The following MCRIP1 variants were observed in gnomAD, a reference collection of about 807,000 sequenced individuals.
MCRIP1 encodes the protein mapk-regulated corepressor-interacting protein 1.
MCRIP1 carries 10 observed loss-of-function variants against 14.4 expected under a neutral mutation model. The observed-to-expected ratio is 0.70, with a 90% CI of 0.43 to 1.18. The LOEUF (loss-of-function observed/expected upper bound fraction) is 1.18. MCRIP1 is among the 50% of genes most tolerant of loss of function. The pLI is 0.00. For synonymous variants in MCRIP1, 53 were observed against 55.7 expected, an observed-to-expected ratio of 0.95 and a Z score of 0.21; for missense variants, 119 against 135.4, an observed-to-expected ratio of 0.88 and a Z score of 0.60.
At chr17:81,827,040 C>T (rs1282295572) in intron 1 of MCRIP1, among the ~76,000 whole-genome samples, 1 of 150,306 alleles carries the variant, frequency 6.7e-6, no homozygotes, top group Non-Finnish European at 1.5e-5. Flanking sequence ...AGTGCTTGAA[C>T]CTGGGAGGCG....
rs368126596 is a variant in MCRIP1, at chr17:81,823,344, C to A, written c.230-33G>T. 6.5e-7 allele frequency: 1 copy of A among 1,536,626 alleles called. No individual in the cohort carries two copies. Among genetic ancestry groups the A allele is most frequent in the Non-Finnish European group, 8.7e-7 (1 of 1,146,586 alleles). ...GGGACAACGCGGTAGGTGGTGGGCA[C>A]AGGCCCCTCCTGCCCATGAGGCCCG... On this transcript the variant is annotated intron_variant, in intron 4 of 4. Transcript: ENST00000455127. This position sits in a 1 kb window ranked among gnomAD's most constrained non-coding sequence, Gnocchi z 6.0.
At chr17:81,824,615 G>T (rs2038349959) in intron 1 of MCRIP1, 61 bp from the exon 2 acceptor site, 4 of 1,534,396 alleles carry the variant, frequency 2.6e-6, no homozygotes, top group Non-Finnish European at 3.5e-6. Flanking sequence ...ACAGAAGGAG[G>T]GGGAGGCGCA....
intron 1 of MCRIP1, chr17:81,826,522 CAA>C (rs4013609): frequency 0.043 from 20,817 of 489,188 alleles, no homozygotes; most frequent in South Asian, 0.074. Context: ...GACCCTGTGT[CAA>C]AAAAAAAAAA....
intron 1 of MCRIP1, among the ~76,000 whole-genome samples, chr17:81,831,130 C>T (rs146321764): frequency 0.01 from 1,551 of 149,626 alleles, 26 homozygotes; most frequent in African/African-American, 0.037. Context: ...CGAGATTGTG[C>T]CACTGCACTC....
chr17:81,826,793 G>C (rs1266272395), intron 1 of MCRIP1: 2 of 154,718 alleles, frequency 1.3e-5, no homozygotes, highest in African/African-American at 2.7e-5. Context: ...ACTCCAGCCT[G>C]GGCGACAGAG....
chr17:81,828,449 C>T (rs2038456051), intron 1 of MCRIP1, among the ~76,000 whole-genome samples: 1 of 152,080 alleles, frequency 6.6e-6, no homozygotes, highest in African/African-American at 2.4e-5. Context: ...AAGGAATTTT[C>T]CATTAAAAAT....
At position 81,824,421 on chromosome 17, in the gene MCRIP1, G is replaced by A. The variant is rs903765348; in HGVS notation, c.9-16C>T. 1.7e-5 allele frequency: 26 copies of A among 1,533,348 alleles called. No individual in the cohort carries two copies. The highest frequency in any genetic ancestry group is 4.8e-5 in the South Asian group (4 of 83,912). The allele number at this position is 1,533,348 out of a possible 1,614,324, so 95.0% of individuals were successfully genotyped here. A position where few individuals can be genotyped will look rare whatever the true frequency, so the allele number is the denominator to read the frequency against. On this transcript the variant is annotated splice_polypyrimidine_tract_variant and intron_variant, in intron 2 of 4. Coordinates refer to ENST00000455127, the MANE Select transcript of MCRIP1 (RefSeq NM_207368.5). ...GACGGGGGAGCTGGGGGAGCCTGGC[G>A]CATGAGACAGGGCACACAGCAGGGT...
intron 1 of MCRIP1, among the ~76,000 whole-genome samples, chr17:81,831,797 T>G (rs377419208): frequency 1.3e-5 from 2 of 152,178 alleles, no homozygotes; most frequent in African/African-American, 4.8e-5. Flanking sequence ...CCACTCTGCC[T>G]GCACCCTACA....
Position 81,823,896 on chromosome 17 carries a change from C to T in MCRIP1, c.128-383G>A, listed in dbSNP as rs547142969. The T allele has an allele frequency of 8.7e-5, 45 of 518,786 alleles. No individual in the cohort carries two copies. In the East Asian group the frequency reaches 1.2e-3, roughly 14 times the overall value. The allele number at this position is 518,786 out of a possible 1,614,324, so 32.1% of individuals were successfully genotyped here. On this transcript the variant is annotated intron_variant, in intron 3 of 4. Transcript: ENST00000455127. The surrounding 1 kb of genome is among the most constrained non-coding windows in gnomAD (Gnocchi z 6.0). ...CCCCTAATCCCAGACAACCACCTCC[C>T]GGCCACTTCTGCAACACGCCCGTTC...
At position 81,826,624 on chromosome 17, in the gene MCRIP1, A is replaced by G. The variant is rs2038403591; in HGVS notation, c.-48-2070T>C. On this transcript the variant is annotated intron_variant, in intron 1 of 4. Coordinates refer to ENST00000455127, the MANE Select transcript of MCRIP1 (RefSeq NM_207368.5). ...CAGCTGAGGTCAGGAGTTTGAGAGC[A>G]GCCTGGCGAACATGGTGAAACCCTG... 7 of 510,134 alleles carry G rather than the reference A, an allele frequency of 1.4e-5. No homozygotes were observed. The South Asian group carries it at 1.8e-4, about 13-fold the overall frequency. The allele number at this position is 510,134 out of a possible 1,614,324, so 31.6% of individuals were successfully genotyped here.
At chr17:81,825,973 T>C in intron 1 of MCRIP1, 1 of 1,325,760 alleles carries the variant, frequency 7.5e-7, no homozygotes, top group Non-Finnish European at 9.9e-7. Context: ...GCCAGCCCCC[T>C]GCCTCGCCCC....
rs1259804661 is a variant in MCRIP1, at chr17:81,824,341, T to C, written c.73A>G (p.Ser25Gly). The stretch of plus-strand genomic sequence containing the variant: ...TGGGCTGGGGTGAAGATCTCGCTGC[T>C]GCTGGGTGGGGAGCGGGGGCTGCTG... Reference protein sequence around the residue: ...RTSSPRSPPSSSEIFTPAHEE... With the variant: ...RTSSPRSPPSGSEIFTPAHEE... The change falls in exon 3 of 5, where the codon AGC (serine) becomes GGC (glycine). Residue 25 changes from serine to glycine, a missense_variant. Coordinates refer to ENST00000455127, the MANE Select transcript of MCRIP1 (RefSeq NM_207368.5). 2 of 1,535,100 alleles carry C rather than the reference T, an allele frequency of 1.3e-6. No homozygotes were observed. The highest frequency in any genetic ancestry group is 4.9e-5 in the East Asian group (2 of 40,848).
At position 81,823,023 on chromosome 17, in the gene MCRIP1, G is replaced by T; in HGVS notation, c.*224C>A. On this transcript the variant is annotated 3_prime_UTR_variant, in exon 5 of 5. Transcript: ENST00000455127. The surrounding 1 kb of genome is among the most constrained non-coding windows in gnomAD (Gnocchi z 6.0). ...GTGGCTGGGGGAGGGCAGGAGGGTG[G>T]GCAGGGCCCAGACCCCCATGATGGG... is the stretch of plus-strand genomic sequence containing the variant. 1.7e-6 allele frequency: 1 copy of T among 603,598 alleles called. No individual in the cohort carries two copies. Among genetic ancestry groups the T allele is most frequent in the Non-Finnish European group, 2.9e-6 (1 of 340,092 alleles). The allele number at this position is 603,598 out of a possible 1,614,324, so 37.4% of individuals were successfully genotyped here.
At chr17:81,826,307 A>G (rs1460375804) in intron 1 of MCRIP1, 2 of 1,535,226 alleles carry the variant, frequency 1.3e-6, no homozygotes, top group Non-Finnish European at 1.7e-6. Context: ...ACACACATGC[A>G]TACAACCGCC....
At chr17:81,832,573 T>C (rs2038541226) in intron 1 of MCRIP1, among the ~76,000 whole-genome samples, 2 of 152,204 alleles carry the variant, frequency 1.3e-5, no homozygotes, top group South Asian at 4.1e-4. Flanking sequence ...CCCAAAACTA[T>C]CCTACTCATC....
chr17:81,827,623 G>A (rs2038434965), intron 1 of MCRIP1, among the ~76,000 whole-genome samples: 1 of 151,744 alleles, frequency 6.6e-6, no homozygotes, highest in African/African-American at 2.4e-5. Context: ...AGTGATGGCT[G>A]AGGTGGTAGG....
intron 2 of MCRIP1, 22 bp from the exon 3 acceptor site, chr17:81,824,427 G>A (rs894478200): frequency 7.2e-6 from 11 of 1,534,240 alleles, no homozygotes; most frequent in Non-Finnish European, 8.7e-6. Flanking sequence ...TGGCGCATGA[G>A]ACAGGGCACA....
chr17:81,828,985 G>C (rs1224819717), intron 1 of MCRIP1, among the ~76,000 whole-genome samples: 1 of 152,208 alleles, frequency 6.6e-6, no homozygotes, highest in South Asian at 2.1e-4. Context: ...TGGGCAGCAG[G>C]CTGGTGTCTG....
Position 81,823,117 on chromosome 17 carries a change from C to G in MCRIP1, c.*130G>C, listed in dbSNP as rs1406062423. 7.0e-6 allele frequency: 6 copies of G among 855,348 alleles called. No individual in the cohort carries two copies. The highest frequency in any genetic ancestry group is 1.1e-5 in the Non-Finnish European group (6 of 536,972). 53.0% of individuals were successfully genotyped at this position (855,348 alleles called of 1,614,324 possible). On this transcript the variant is annotated 3_prime_UTR_variant, in exon 5 of 5. Coordinates refer to ENST00000455127, the MANE Select transcript of MCRIP1 (RefSeq NM_207368.5). This position sits in a 1 kb window ranked among gnomAD's most constrained non-coding sequence, Gnocchi z 6.0. ...GGAGAGGCAGGCCTCAGCCGTCAGTCACGCCAGTGCTGGGATCTGCAGCCC... is the reference window on the plus strand; with the variant it reads ...GGAGAGGCAGGCCTCAGCCGTCAGTGACGCCAGTGCTGGGATCTGCAGCCC...
Sources: allele counts gnomAD v4.1 joint callset (sites outside exome capture counted in the v4.1 genomes callset), GRCh38; gene constraint gnomAD v4.1.1; non-coding constraint Gnocchi (gnomAD v3.1); transcripts MANE v1.5; gene names NCBI Gene and HGNC (gene_info 2026-07-23, HGNC 2026-07-21).